PCDHGA10: variants seen among roughly 807,000 people sequenced by gnomAD.
The protein encoded by PCDHGA10 is protocadherin gamma subfamily A, 10, also known as protocadherin gamma-A10.
In PCDHGA10, 42 loss-of-function variants were observed where a neutral mutation model predicts 59.5. The ratio of observed to expected loss-of-function variants is 0.71; its 90% CI spans 0.55 to 0.91. PCDHGA10 has a LOEUF of 0.91. Among genes scored for constraint, PCDHGA10 ranks in the 40% least tolerant of loss-of-function variants. The probability of loss-of-function intolerance (pLI) is 0.00; values close to 1 mark genes in which losing one functional copy is unlikely to be tolerated. For missense variants in PCDHGA10, 1,111 were observed against 1,198.2 expected (o/e 0.93, Z 1.07); for synonymous variants, 511 against 517.2 (o/e 0.99, Z 0.16).
chr5:141,482,086 T>C (rs1435200188), intron 1 of PCDHGA10, among the ~76,000 whole-genome samples: 6 of 93,070 alleles, frequency 6.4e-5, no homozygotes, highest in African/African-American at 3.7e-4. Flanking sequence ...ACTCACTCCA[T>C]CTCAAAAAAA....
rs2095801962 is a variant in PCDHGA10, at chr5:141,414,919, G to A, written c.1744G>A (p.Ala582Thr). 2 of 1,614,050 alleles carry A rather than the reference G, an allele frequency of 1.2e-6. No homozygotes were observed. Among genetic ancestry groups the A allele is most frequent in the African/African-American group, 2.7e-5 (2 of 74,936 alleles). ...AGACGGTTCCACAGGCGTGGAGCTGGCGCCCCGCTCCGCAGAGCCCGGCTA... is the reference window on the plus strand; with the variant it reads ...AGACGGTTCCACAGGCGTGGAGCTGACGCCCCGCTCCGCAGAGCCCGGCTA... Reference protein sequence around the residue: ...PTDGSTGVELAPRSAEPGYLV... With the variant: ...PTDGSTGVELTPRSAEPGYLV... Residue 582 changes from alanine (A) to threonine (T), a missense_variant, in exon 1 of 4, where the codon GCG becomes ACG. Transcript: ENST00000398610.
chr5:141,471,658 G>T (rs1354815239), intron 1 of PCDHGA10: 1 of 152,106 alleles, frequency 6.6e-6, no homozygotes, highest in Admixed American at 6.5e-5. Flanking sequence ...ATGTGGGGAT[G>T]CAGAAAAAAA....
chr5:141,423,648 G>T, intron 1 of PCDHGA10: 1 of 1,590,008 alleles, frequency 6.3e-7, no homozygotes, highest in Admixed American at 1.8e-5. Context: ...AATGTGACCC[G>T]ACAAGTAATC....
intron 1 of PCDHGA10, among the ~76,000 whole-genome samples, chr5:141,438,633 TATACACAC>T (rs1401551511): frequency 0.055 from 1,851 of 33,458 alleles, 10 homozygotes; most frequent in African/African-American, 0.082. Flanking sequence ...TATATATATA[TATACACAC>T]ACACACACAC....
At chr5:141,483,104 A>G (rs2099577128) in intron 1 of PCDHGA10, among the ~76,000 whole-genome samples, 1 of 152,140 alleles carries the variant, frequency 6.6e-6, no homozygotes, top group African/African-American at 2.4e-5. Flanking sequence ...GTGTGCGTGT[A>G]AAACAGACAG....
intron 1 of PCDHGA10, chr5:141,430,740 A>C (rs1485485180): frequency 5.3e-6 from 8 of 1,497,664 alleles, no homozygotes; most frequent in Non-Finnish European, 7.1e-6. Context: ...AATTGAAAAT[A>C]ATTCTGGAGG....
intron 1 of PCDHGA10, among the ~76,000 whole-genome samples, chr5:141,475,504 T>C (rs1202550150): frequency 1.3e-5 from 2 of 152,254 alleles, no homozygotes; most frequent in Non-Finnish European, 2.9e-5. Flanking sequence ...AAATTATTAA[T>C]GTCTCCACGG....
chr5:141,414,628 A>T lies in PCDHGA10; in HGVS notation c.1453A>T (p.Ser485Cys), dbSNP rs1471507988. 7 of 1,613,900 alleles carry T rather than the reference A, an allele frequency of 4.3e-6. No homozygotes were observed. The highest frequency in any genetic ancestry group is 5.9e-6 in the Non-Finnish European group (7 of 1,179,902). The change falls in exon 1 of 4, where the codon AGC becomes TGC. Residue 485 changes from serine to cysteine, a missense_variant. Coordinates refer to ENST00000398610, the MANE Select transcript of PCDHGA10 (RefSeq NM_018913.3). ...IFSVTALDPD[S>C]KENAQIIYSL... Reference sequence around the variant, plus strand: ...CTCAGTGACAGCGCTGGACCCGGACAGCAAAGAGAATGCCCAGATTATTTA... The same window carrying T: ...CTCAGTGACAGCGCTGGACCCGGACTGCAAAGAGAATGCCCAGATTATTTA...
chr5:141,469,500 G>A (rs1471801110), intron 1 of PCDHGA10, among the ~76,000 whole-genome samples: 4 of 151,914 alleles, frequency 2.6e-5, no homozygotes, highest in South Asian at 2.1e-4. Flanking sequence ...GCTTGAACCC[G>A]GGAGGTGGAG....
rs1247738517 is a variant in PCDHGA10 at position 141,415,469 on chromosome 5, C to T, written c.2294C>T (p.Ala765Val). Residue 765 changes from alanine (A) to valine (V), a missense_variant, in exon 1 of 4, where the codon GCG becomes GTG. Physicochemically the swap from Ala to Val is moderately conservative, Grantham distance 64. Coordinates refer to ENST00000398610, the MANE Select transcript of PCDHGA10 (RefSeq NM_018913.3). Reference protein sequence around the residue: ...QTYSHEVSLTADSRKSHLIFP... With the variant: ...QTYSHEVSLTVDSRKSHLIFP... ...TATTCCCACGAGGTCTCTCTCACCG[C>T]GGACTCGCGAAAGAGTCACCTGATC... The T allele has an allele frequency of 1.9e-6, 3 of 1,614,208 alleles. No individual in the cohort carries two copies. The highest frequency in any genetic ancestry group is 2.2e-5 in the South Asian group (2 of 91,082).
rs775654786 is a variant in PCDHGA10 at position 141,491,718 on chromosome 5, G to A, written c.2437-3089G>A. Reference sequence around the variant, plus strand: ...GGAGCCAGGTGAGGGGCTCGGCGCCGCCCCGGGCGACCCCTGGGGGCGGCA... The same window carrying A: ...GGAGCCAGGTGAGGGGCTCGGCGCCACCCCGGGCGACCCCTGGGGGCGGCA... On this transcript the variant is annotated intron_variant, in intron 1 of 3. Coordinates refer to ENST00000398610, the MANE Select transcript of PCDHGA10 (RefSeq NM_018913.3). This position sits in a 1 kb window ranked among gnomAD's most constrained non-coding sequence, Gnocchi z 6.9. 1 of 1,607,600 alleles carries A rather than the reference G, an allele frequency of 6.2e-7. No homozygotes were observed. The highest frequency in any genetic ancestry group is 2.2e-5 in the East Asian group (1 of 44,690).
chr5:141,413,755 A>G lies in PCDHGA10; in HGVS notation c.580A>G (p.Lys194Glu). 1.2e-6 allele frequency: 2 copies of G among 1,612,936 alleles called. No homozygotes were observed. The highest frequency in any genetic ancestry group is 1.7e-6 in the Non-Finnish European group (2 of 1,179,880). The change falls in exon 1 of 4, where the codon AAG becomes GAG. Residue 194 changes from lysine (K) to glutamate (E), a missense_variant. Transcript: ENST00000398610. ...LRVQSRANGVKYPELVLEHSL... is the reference protein window; with the variant it reads ...LRVQSRANGVEYPELVLEHSL... ...AGTTCAGAGCCGTGCCAATGGCGTC[A>G]AGTACCCGGAGCTGGTACTGGAGCA... is the stretch of plus-strand genomic sequence containing the variant.
chr5:141,486,985 T>C lies in PCDHGA10; in HGVS notation c.2437-7822T>C. On this transcript the variant is annotated intron_variant, in intron 1 of 3. Coordinates refer to ENST00000398610, the MANE Select transcript of PCDHGA10 (RefSeq NM_018913.3). The surrounding 1 kb of genome is among the most constrained non-coding windows in gnomAD (Gnocchi z 5.0). ...TGGACTTGGATTCAGGTTACAATGC[T>C]TGGGTTTCCTATCAGCTCCTGGAGG... 1 of 1,614,208 alleles carries C rather than the reference T, an allele frequency of 6.2e-7. No individual in the cohort carries two copies. The highest frequency in any genetic ancestry group is 8.5e-7 in the Non-Finnish European group (1 of 1,180,040).
In PCDHGA10 at chr5:141,476,245, G is replaced by C; in HGVS notation, c.2437-18562G>C. 3.1e-6 allele frequency: 5 copies of C among 1,614,086 alleles called. No homozygotes were observed. The highest frequency in any genetic ancestry group is 3.4e-6 in the Non-Finnish European group (4 of 1,180,026). On this transcript the variant is annotated intron_variant, in intron 1 of 3. Transcript: ENST00000398610. This position sits in a 1 kb window ranked among gnomAD's most constrained non-coding sequence, Gnocchi z 7.6. The stretch of plus-strand genomic sequence containing the variant: ...ATGAGATCCCGGAGGAAAGAGAGAA[G>C]GGTTTCGCTGTGGGCAACGTGGTCG...
At position 141,435,341 on chromosome 5, in the gene PCDHGA10, C is replaced by T. The variant is rs73794903; in HGVS notation, c.2436+19730C>T. 9.3e-3 allele frequency among the ~76,000 whole-genome samples: 1,412 copies of T among 152,206 alleles called. 25 individuals carry two copies. Among genetic ancestry groups the T allele is most frequent in the African/African-American group, 0.032 (1,313 of 41,532 alleles). On this transcript the variant is annotated intron_variant, in intron 1 of 3. Coordinates refer to ENST00000398610, the MANE Select transcript of PCDHGA10 (RefSeq NM_018913.3). ...ACTTCCAAATATAGTGAATTTATTT[C>T]TTCTGCATTTAAAATTTTATCACTT...
At chr5:141,496,329 C>T (rs1435070517) in intron 2 of PCDHGA10, among the ~76,000 whole-genome samples, 2 of 152,186 alleles carry the variant, frequency 1.3e-5, no homozygotes, top group South Asian at 4.1e-4. Context: ...AGTTAGAAGT[C>T]AGGAGCCTGG....
rs1348847945 is a variant in PCDHGA10, at chr5:141,493,426, C to G, written c.2437-1381C>G. ...TGCCTCTGCTGGGATTTTGCTTCTG[C>G]TGGGATGGGGCAAGGGTGGGGTTCC... On this transcript the variant is annotated intron_variant, in intron 1 of 3. Transcript: ENST00000398610. The surrounding 1 kb of genome is among the most constrained non-coding windows in gnomAD (Gnocchi z 4.3). Among the ~76,000 whole-genome samples, 2 of 152,144 alleles carry G rather than the reference C, an allele frequency of 1.3e-5. No homozygotes were observed. The highest frequency in any genetic ancestry group is 4.8e-5 in the African/African-American group (2 of 41,424).
chr5:141,494,953 T>G, intron 2 of PCDHGA10, 88 bp downstream of exon 2: 1 of 1,604,164 alleles, frequency 6.2e-7, no homozygotes, highest in Non-Finnish European at 8.5e-7. Flanking sequence ...GCCCAGCATT[T>G]GCTACAGATG....
intron 1 of PCDHGA10, among the ~76,000 whole-genome samples, chr5:141,430,357 T>C (rs1258305414): frequency 1.3e-5 from 2 of 149,904 alleles, no homozygotes; most frequent in Non-Finnish European, 3.0e-5. Context: ...ATTTAAAAGC[T>C]CATTGGGGAA....
Sources: allele counts gnomAD v4.1 joint callset (sites outside exome capture counted in the v4.1 genomes callset), GRCh38; gene constraint gnomAD v4.1.1; non-coding constraint Gnocchi (gnomAD v3.1); transcripts MANE v1.5; gene names NCBI Gene and HGNC (gene_info 2026-07-23, HGNC 2026-07-21).